CFAP77: variants seen among roughly 807,000 people sequenced by gnomAD.
CFAP77 encodes the protein cilia and flagella associated protein 77, also known as cilia- and flagella-associated protein 77.
In CFAP77, 25 loss-of-function variants were observed where a neutral mutation model predicts 31.1. That is an observed-to-expected ratio of 0.80 (90% CI 0.59 to 1.12). The LOEUF is 1.12. Ranked by LOEUF, CFAP77 falls within the 50% of genes most tolerant of loss-of-function variation. The pLI is 0.00. For synonymous variants in CFAP77, 151 were observed against 159.9 expected, an observed-to-expected ratio of 0.94 and a Z score of 0.42; for missense variants, 377 against 397.3, an observed-to-expected ratio of 0.95 and a Z score of 0.44.
At position 132,480,564 on chromosome 9, in the gene CFAP77, AC is replaced by A. The variant is rs928357376; in HGVS notation, c.196-18128del. ...AATGAGACAGGTCTGTCCCGTGCTC[AC>A]CCAGCTGACCTGCCGCAGAGTGAGA... On this transcript the variant is annotated intron_variant, in intron 1 of 5. Transcript: ENST00000393216. The surrounding 1 kb of genome is among the most constrained non-coding windows in gnomAD (Gnocchi z 5.8). Among the ~76,000 whole-genome samples the A allele has an allele frequency of 2.0e-5, 3 of 152,196 alleles. No individual in the cohort carries two copies. The highest frequency in any genetic ancestry group is 4.4e-5 in the Non-Finnish European group (3 of 68,036).
rs764363630 is a variant in CFAP77 at position 132,499,424 on chromosome 9, G to C, written c.348G>C (p.Leu116=). The part of the protein sequence containing the change: ...FKQQPTCPHE[L]TRNYIAMNRG... ...AGCAGCCCACCTGCCCCCACGAGCT[G>C]ACCCGGAATTATATCGCAATGAACC... The change falls in exon 3 of 6, where the codon CTG becomes CTC. Residue 116 remains leucine (L), a synonymous_variant. Transcript: ENST00000393216. This position sits in a 1 kb window ranked among gnomAD's most constrained non-coding sequence, Gnocchi z 5.4. 5 of 1,614,222 alleles carry C rather than the reference G, an allele frequency of 3.1e-6. No individual in the cohort carries two copies. The East Asian group carries it at 1.1e-4, about 36-fold the overall frequency.
chr9:132,445,059 C>T (rs377128401), intron 1 of CFAP77, among the ~76,000 whole-genome samples: 15 of 151,750 alleles, frequency 9.9e-5, no homozygotes, highest in East Asian at 3.9e-4. Context: ...CTGCAACCTC[C>T]GCCTCCTGGG....
At chr9:132,419,044 T>C (rs985279943) in intron 1 of CFAP77, among the ~76,000 whole-genome samples, 1 of 151,998 alleles carries the variant, frequency 6.6e-6, no homozygotes, top group Non-Finnish European at 1.5e-5. Context: ...CACGTCAGGG[T>C]TCGGGCAAGA....
At chr9:132,417,304 G>A (rs11243773) in intron 1 of CFAP77, among the ~76,000 whole-genome samples, 90,669 of 151,806 alleles carry the variant, frequency 0.6, 32,442 homozygotes, top group Non-Finnish European at 0.79. Context: ...TAGTAGAAAC[G>A]GGCTTTCACC....
At chr9:132,423,107 A>G (rs1850250869) in intron 1 of CFAP77, among the ~76,000 whole-genome samples, 1 of 152,188 alleles carries the variant, frequency 6.6e-6, no homozygotes, top group Non-Finnish European at 1.5e-5. Flanking sequence ...ACAAACCATC[A>G]CTGAAGATTT....
chr9:132,474,937 G>T (rs1273324890), intron 1 of CFAP77, among the ~76,000 whole-genome samples: 1 of 152,172 alleles, frequency 6.6e-6, no homozygotes. Context: ...CAATAAGAAA[G>T]CTCAAAATTA....
chr9:132,541,412 T>C (rs1852639438), intron 4 of CFAP77, among the ~76,000 whole-genome samples: 1 of 152,220 alleles, frequency 6.6e-6, no homozygotes, highest in African/African-American at 2.4e-5. Context: ...CTGCTTTGGT[T>C]CAAAGATAGT....
rs1038457476 is a variant in CFAP77, at chr9:132,480,194, C to T, written c.196-18501C>T. On this transcript the variant is annotated intron_variant, in intron 1 of 5. Transcript: ENST00000393216. The surrounding 1 kb of genome is among the most constrained non-coding windows in gnomAD (Gnocchi z 5.8). ...CTCCCCAGGAGCCACCAGACTCCCT[C>T]TTGCTCCTGGTCCCTGCCCACCTGC... is the stretch of plus-strand genomic sequence containing the variant. Among the ~76,000 whole-genome samples, 4 of 152,218 alleles carry T rather than the reference C, an allele frequency of 2.6e-5. No homozygotes were observed. Among genetic ancestry groups the T allele is most frequent in the Non-Finnish European group, 5.9e-5 (4 of 68,028 alleles).
At chr9:132,562,473 T>A (rs1829828186) in intron 5 of CFAP77, among the ~76,000 whole-genome samples, 4 of 152,242 alleles carry the variant, frequency 2.6e-5, no homozygotes. Context: ...GTATGTTTTT[T>A]ATTTTTTTCA....
At chr9:132,472,488 G>C (rs1851276971) in intron 1 of CFAP77, among the ~76,000 whole-genome samples, 1 of 152,206 alleles carries the variant, frequency 6.6e-6, no homozygotes, top group Non-Finnish European at 1.5e-5. Flanking sequence ...CAGGTGCATT[G>C]GCTCACGCCT....
intron 1 of CFAP77, among the ~76,000 whole-genome samples, chr9:132,463,985 G>C (rs1243881263): frequency 6.6e-6 from 1 of 152,230 alleles, no homozygotes; most frequent in Non-Finnish European, 1.5e-5. Flanking sequence ...TCATGGCTGG[G>C]TGACAGGCAA....
At chr9:132,432,079 C>T (rs756575311) in intron 1 of CFAP77, among the ~76,000 whole-genome samples, 4 of 152,280 alleles carry the variant, frequency 2.6e-5, no homozygotes, top group South Asian at 4.1e-4. Flanking sequence ...GGAAAAATAA[C>T]ACACTGCACG....
chr9:132,466,605 C>T (rs1253839239), intron 1 of CFAP77, among the ~76,000 whole-genome samples: 4 of 152,342 alleles, frequency 2.6e-5, no homozygotes, highest in African/African-American at 7.2e-5. Flanking sequence ...GAAAGAAAGA[C>T]TGGATCGGTG....
rs1851633154 is a variant in CFAP77 at position 132,490,376 on chromosome 9, G to C, written c.196-8319G>C. ...TGTGTTTTGATGGCAGCTGAACTCA[G>C]ATGTCTGTCACAACCTGCTTGCCTG... On this transcript the variant is annotated intron_variant, in intron 1 of 5. Transcript: ENST00000393216. This position sits in a 1 kb window ranked among gnomAD's most constrained non-coding sequence, Gnocchi z 4.6. 6.6e-6 allele frequency among the ~76,000 whole-genome samples: 1 copy of C among 152,202 alleles called. No individual in the cohort carries two copies. Among genetic ancestry groups the C allele is most frequent in the South Asian group, 2.1e-4 (1 of 4,832 alleles).
At chr9:132,571,100 C>T (rs1238562919) in intron 5 of CFAP77, among the ~76,000 whole-genome samples, 1 of 152,142 alleles carries the variant, frequency 6.6e-6, no homozygotes, top group Non-Finnish European at 1.5e-5. Context: ...CCTGCAGCGC[C>T]GTGGGCTTAG....
intron 1 of CFAP77, among the ~76,000 whole-genome samples, chr9:132,491,027 C>T (rs1589883438): frequency 6.6e-6 from 1 of 151,950 alleles, no homozygotes; most frequent in Non-Finnish European, 1.5e-5. Context: ...GTGCGCCCTG[C>T]GAGGGTGTGT....
intron 3 of CFAP77, among the ~76,000 whole-genome samples, chr9:132,534,610 C>CAAAAAA (rs201151199): frequency 3.1e-5 from 2 of 64,112 alleles, no homozygotes; most frequent in African/African-American, 5.1e-5. Context: ...GACTCTGTCT[C>CAAAAAA]AAAAAAAAAA....
At chr9:132,427,616 A>G (rs1850338856) in intron 1 of CFAP77, among the ~76,000 whole-genome samples, 1 of 152,122 alleles carries the variant, frequency 6.6e-6, no homozygotes, top group Non-Finnish European at 1.5e-5. Flanking sequence ...CTCTGTCTCA[A>G]AAAAAAACAA....
At chr9:132,546,703 A>C (rs1477870398) in intron 5 of CFAP77, among the ~76,000 whole-genome samples, 8 of 152,214 alleles carry the variant, frequency 5.3e-5, no homozygotes, top group Non-Finnish European at 1.2e-4. Context: ...CCCTCCAGGC[A>C]GGGCAGTACA....
Sources: allele counts gnomAD v4.1 joint callset (sites outside exome capture counted in the v4.1 genomes callset), GRCh38; gene constraint gnomAD v4.1.1; non-coding constraint Gnocchi (gnomAD v3.1); transcripts MANE v1.5; gene names NCBI Gene and HGNC (gene_info 2026-07-23, HGNC 2026-07-21).